CCDC88C: variants seen among roughly 807,000 people sequenced by gnomAD.
CCDC88C encodes coiled-coil and HOOK domain protein 88C, also known as protein Daple.
A neutral mutation model predicts 198.8 loss-of-function variants in CCDC88C; 131 were observed. That is an observed-to-expected ratio of 0.66 (90% CI 0.57 to 0.76). CCDC88C has a LOEUF of 0.76. Among genes scored for constraint, CCDC88C ranks in the 30% least tolerant of loss-of-function variants. The pLI is 0.00. For synonymous variants in CCDC88C, 1,166 were observed against 1,114.7 expected (o/e 1.05, Z -0.92); for missense variants, 2,553 against 2,631.6 (o/e 0.97, Z 0.65).
chr14:91,387,236 C>A (rs997063223), intron 3 of CCDC88C, among the ~76,000 whole-genome samples: 1 of 152,206 alleles, frequency 6.6e-6, no homozygotes, highest in African/African-American at 2.4e-5. Context: ...CTTTATAGAA[C>A]TGACAGTCAG....
chr14:91,287,704 T>A (rs907737055), intron 25 of CCDC88C, among the ~76,000 whole-genome samples: 1 of 135,648 alleles, frequency 7.4e-6, no homozygotes, highest in African/African-American at 2.8e-5. Flanking sequence ...ATGTGCCCCC[T>A]GAAAGGCTTG....
chr14:91,335,520 G>A (rs1435038445), intron 10 of CCDC88C, among the ~76,000 whole-genome samples: 5 of 151,980 alleles, frequency 3.3e-5, no homozygotes, highest in Non-Finnish European at 1.5e-5. Flanking sequence ...ACTTTCAACA[G>A]CACCCCCACC....
intron 3 of CCDC88C, among the ~76,000 whole-genome samples, chr14:91,361,462 A>G (rs1403064142): frequency 6.6e-6 from 1 of 152,222 alleles, no homozygotes; most frequent in Non-Finnish European, 1.5e-5. Context: ...CAGCACCTGC[A>G]GAGAACATAG....
rs1462743384 is a variant in CCDC88C, at chr14:91,273,038, T to C, written c.5674A>G (p.Lys1892Glu). 12 of 1,555,370 alleles carry C rather than the reference T, an allele frequency of 7.7e-6. No homozygotes were observed. In the East Asian group the frequency reaches 1.2e-4, roughly 15 times the overall value. ...DTRRFSLAPP[K>E]EERLAPLHQS... ...TGCAGGGGGGCCAGCCTCTCCTCCT[T>C]TGGGGGAGCCAGGGAGAAGCGCCTC... Residue 1892 changes from lysine (K) to glutamate (E), a missense_variant, in exon 30 of 30, where the codon AAG (lysine) becomes GAG (glutamate). Transcript: ENST00000389857. This position sits in a 1 kb window ranked among gnomAD's most constrained non-coding sequence, Gnocchi z 5.6.
chr14:91,287,766 C>T (rs1826579460), intron 25 of CCDC88C, among the ~76,000 whole-genome samples: 1 of 148,516 alleles, frequency 6.7e-6, no homozygotes, highest in Non-Finnish European at 1.5e-5. Flanking sequence ...AGTGTTATAT[C>T]CTCCGCCTCC....
intron 3 of CCDC88C, among the ~76,000 whole-genome samples, chr14:91,362,160 G>A (rs1894334502): frequency 6.6e-6 from 1 of 151,694 alleles, no homozygotes; most frequent in Admixed American, 6.6e-5. Context: ...CTTGAACCCA[G>A]GAGGCAAAGG....
chr14:91,319,588 T>G (rs1842626456), intron 13 of CCDC88C, among the ~76,000 whole-genome samples: 1 of 152,272 alleles, frequency 6.6e-6, no homozygotes, highest in African/African-American at 2.4e-5. Flanking sequence ...CGTCTGGTAT[T>G]CGGTACCTTA....
Position 91,381,705 on chromosome 14 carries a change from G to A in CCDC88C, c.271-21994C>T, listed in dbSNP as rs554481467. Among the ~76,000 whole-genome samples the A allele has an allele frequency of 6.6e-5, 10 of 152,272 alleles. No homozygotes were observed. Among genetic ancestry groups the A allele is most frequent in the South Asian group, 2.1e-4 (1 of 4,824 alleles). On this transcript the variant is annotated intron_variant, in intron 3 of 29. Coordinates refer to ENST00000389857, the MANE Select transcript of CCDC88C (RefSeq NM_001080414.4). The surrounding 1 kb of genome is among the most constrained non-coding windows in gnomAD (Gnocchi z 4.2). The stretch of plus-strand genomic sequence containing the variant: ...AACAATTATCTGGGCATGGTGGCGC[G>A]TGCATGTAATTCCAGGTACTTGGGA...
chr14:91,410,806 C>T (rs1006403228), intron 2 of CCDC88C, among the ~76,000 whole-genome samples: 1 of 152,196 alleles, frequency 6.6e-6, no homozygotes. Flanking sequence ...TGTTTTGTTT[C>T]TTCTTTCTTT....
At chr14:91,361,345 GAGA>G (rs2139907139) in intron 3 of CCDC88C, among the ~76,000 whole-genome samples, 1 of 152,270 alleles carries the variant, frequency 6.6e-6, no homozygotes, top group South Asian at 2.1e-4. Flanking sequence ...ACTAGCACTC[GAGA>G]AGAAGAGGGG....
rs575390201 is a variant in CCDC88C, at chr14:91,339,271, G to A, written c.809+7C>T. On this transcript the variant is annotated splice_region_variant and intron_variant, in intron 8 of 29. Coordinates refer to ENST00000389857, the MANE Select transcript of CCDC88C (RefSeq NM_001080414.4). This position sits in a 1 kb window ranked among gnomAD's most constrained non-coding sequence, Gnocchi z 5.8. ...CACAAAGGTAGGAGAAGCAGCCGGG[G>A]ACTCACAGCTCCTGCCTGACGCGCC... 316 of 1,612,102 alleles carry A rather than the reference G, an allele frequency of 2.0e-4. 4 individuals are homozygous for A. In the South Asian group the frequency reaches 2.2e-3, roughly 11 times the overall value.
intron 20 of CCDC88C, among the ~76,000 whole-genome samples, chr14:91,301,427 C>G (rs1426235129): frequency 6.6e-6 from 1 of 152,202 alleles, no homozygotes; most frequent in Non-Finnish European, 1.5e-5. Flanking sequence ...ATTAAGAATA[C>G]AATAAGGGGT....
In CCDC88C at chr14:91,339,430, G is replaced by C; in HGVS notation, c.657C>G (p.Tyr219Ter). ...LIVDLTQERD[Y>*]LQAQHPPSPI... The stretch of plus-strand genomic sequence containing the variant: ...GGCTGGGTGGATGCTGTGCCTGCAG[G>C]TAGTCCCGTTCCTGAGTGAGGTCCA... Residue 219 changes from tyrosine (Y) to a stop codon, truncating the protein, a stop_gained, in exon 8 of 30, where the codon TAC (tyrosine) becomes TAG (stop). Transcript: ENST00000389857. LOFTEE classifies it high-confidence loss of function. The surrounding 1 kb of genome is among the most constrained non-coding windows in gnomAD (Gnocchi z 5.8). The C allele has an allele frequency of 6.2e-7, 1 of 1,608,904 alleles. No individual in the cohort carries two copies. The highest frequency in any genetic ancestry group is 2.2e-5 in the East Asian group (1 of 44,694).
At position 91,272,770 on chromosome 14, in the gene CCDC88C, C is replaced by T; in HGVS notation, c.5942G>A (p.Ser1981Asn). Residue 1981 changes from serine (S) to asparagine (N), a missense_variant, in exon 30 of 30, where the codon AGC becomes AAC. This residue lies in a region of CCDC88C where 1,293 missense variants were observed against 1,219.6 expected (regional missense o/e 1.06). Coordinates refer to ENST00000389857, the MANE Select transcript of CCDC88C (RefSeq NM_001080414.4). The part of the protein sequence containing the change: ...QGCSEGLPAK[S>N]PGRSPDLAPH... Reference sequence around the variant, plus strand: ...AGCCAAATCGGGAGACCGACCTGGGCTCTTGGCCGGAAGCCCCTCACTGCA... The same window carrying T: ...AGCCAAATCGGGAGACCGACCTGGGTTCTTGGCCGGAAGCCCCTCACTGCA... 2 of 1,607,106 alleles carry T rather than the reference C, an allele frequency of 1.2e-6. No homozygotes were observed. The highest frequency in any genetic ancestry group is 1.7e-6 in the Non-Finnish European group (2 of 1,178,142).
rs547204610 is a variant in CCDC88C at position 91,415,485 on chromosome 14, G to A, written c.161+1253C>T. ...CATGCCTGTAATCCCAGCACTTTGG[G>A]AGGCCAAGGCAGGCGGATCACCTGA... On this transcript the variant is annotated intron_variant, in intron 2 of 29. Transcript: ENST00000389857. 2.1e-4 allele frequency among the ~76,000 whole-genome samples: 32 copies of A among 152,300 alleles called. No homozygotes were observed. In the South Asian group the frequency reaches 5.0e-3, roughly 24 times the overall value.
chr14:91,398,690 T>C (rs373521853), intron 3 of CCDC88C, among the ~76,000 whole-genome samples: 15 of 151,878 alleles, frequency 9.9e-5, no homozygotes, highest in Admixed American at 2.6e-4. Context: ...AAATAAATAA[T>C]TGAAAGAAAT....
At position 91,327,231 on chromosome 14, in the gene CCDC88C, A is replaced by G. The variant is rs548371773; in HGVS notation, c.1051-1175T>C. Among the ~76,000 whole-genome samples, 38 of 152,206 alleles carry G rather than the reference A, an allele frequency of 2.5e-4. No homozygotes were observed. In the South Asian group the frequency reaches 4.8e-3, roughly 19 times the overall value. ...ACTGGGAACCAGGCTGGGAGTTTCT[A>G]CTTATCCACCATGTGCTCATCTTCC... On this transcript the variant is annotated intron_variant, in intron 10 of 29. Transcript: ENST00000389857.
At chr14:91,332,034 G>T (rs978020156) in intron 10 of CCDC88C, among the ~76,000 whole-genome samples, 12 of 152,052 alleles carry the variant, frequency 7.9e-5, no homozygotes, top group African/African-American at 2.9e-4. Flanking sequence ...CCTGAGTGCA[G>T]ACTCTGCCCA....
At chr14:91,344,594 C>T (rs1404682688) in intron 4 of CCDC88C, among the ~76,000 whole-genome samples, 1 of 151,724 alleles carries the variant, frequency 6.6e-6, no homozygotes, top group Non-Finnish European at 1.5e-5. Flanking sequence ...TCACTGCAAG[C>T]TCTGCCTCCT....
Sources: allele counts gnomAD v4.1 joint callset (sites outside exome capture counted in the v4.1 genomes callset), GRCh38; gene constraint gnomAD v4.1.1; regional missense constraint gnomAD v4.1.1; non-coding constraint Gnocchi (gnomAD v3.1); transcripts MANE v1.5; gene names NCBI Gene and HGNC (gene_info 2026-07-23, HGNC 2026-07-21).